ANKRD11: variants seen among roughly 807,000 people sequenced by gnomAD.
ANKRD11 encodes ankyrin repeat domain-containing protein 11.
Under a neutral mutation model 195.7 loss-of-function variants are expected in ANKRD11, and 17 were observed. That is an observed-to-expected ratio of 0.09 (90% CI 0.06 to 0.13). ANKRD11 has a LOEUF of 0.13. ANKRD11 is among the 10% of genes least tolerant of loss of function. The pLI is 1.00. For synonymous variants in ANKRD11, 1,953 were observed against 1,528.1 expected (o/e 1.28, Z -6.49); for missense variants, 3,735 against 3,566.1 (o/e 1.05, Z -1.21).
At chr16:89,341,380 G>T (rs1173746557) in intron 2 of ANKRD11, among the ~76,000 whole-genome samples, 1 of 152,200 alleles carries the variant, frequency 6.6e-6, no homozygotes, top group Non-Finnish European at 1.5e-5. Context: ...GCAATCTGCA[G>T]ATTCTCACAG....
At chr16:89,349,952 G>A (rs932054362) in intron 2 of ANKRD11, among the ~76,000 whole-genome samples, 1 of 147,760 alleles carries the variant, frequency 6.8e-6, no homozygotes, top group Non-Finnish European at 1.5e-5. Flanking sequence ...CCTGTGTCTA[G>A]AATCCATAAA....
At chr16:89,442,477 C>G (rs573101864) in intron 1 of ANKRD11, among the ~76,000 whole-genome samples, 10 of 152,310 alleles carry the variant, frequency 6.6e-5, no homozygotes, top group African/African-American at 2.4e-4. Flanking sequence ...ACAAACGCCC[C>G]TTTATGCACA....
At chr16:89,375,045 C>G (rs566141088) in intron 2 of ANKRD11, among the ~76,000 whole-genome samples, 1 of 152,058 alleles carries the variant, frequency 6.6e-6, no homozygotes, top group Non-Finnish European at 1.5e-5. Context: ...TAAATACTTA[C>G]AGACTGTACA....
intron 9 of ANKRD11, among the ~76,000 whole-genome samples, chr16:89,276,516 C>G (rs962454228): frequency 1.3e-5 from 2 of 152,228 alleles, no homozygotes; most frequent in Non-Finnish European, 1.5e-5. Context: ...CGCCTATAGG[C>G]TCCTGCCTAA....
chr16:89,308,879 G>A (rs865885858), intron 3 of ANKRD11, among the ~76,000 whole-genome samples: 1 of 152,108 alleles, frequency 6.6e-6, no homozygotes, highest in African/African-American at 2.4e-5. Context: ...TGGGGTGCGC[G>A]CAGTAAACAC....
At chr16:89,313,686 G>C in intron 3 of ANKRD11, 1 of 1,071,450 alleles carries the variant, frequency 9.3e-7, no homozygotes, top group Non-Finnish European at 1.3e-6. Flanking sequence ...CCTGTACCAG[G>C]AGAAGGCAGG....
chr16:89,410,827 G>A (rs998979559), intron 2 of ANKRD11, among the ~76,000 whole-genome samples: 2 of 152,244 alleles, frequency 1.3e-5, no homozygotes, highest in Admixed American at 1.3e-4. Flanking sequence ...AACAGAAGGG[G>A]GTGGGGAGTG....
intron 1 of ANKRD11, among the ~76,000 whole-genome samples, chr16:89,426,937 T>G (rs1412117541): frequency 6.6e-6 from 1 of 152,234 alleles, no homozygotes; most frequent in East Asian, 1.9e-4. Flanking sequence ...CAAGTGGCAG[T>G]AGACATCAGG....
At chr16:89,444,994 C>T (rs1567815825) in intron 1 of ANKRD11, among the ~76,000 whole-genome samples, 1 of 152,108 alleles carries the variant, frequency 6.6e-6, no homozygotes, top group Non-Finnish European at 1.5e-5. Context: ...GCCACCCTTG[C>T]AAACCTACCA....
chr16:89,309,856 T>C (rs2151894042), intron 3 of ANKRD11, among the ~76,000 whole-genome samples: 2 of 152,330 alleles, frequency 1.3e-5, no homozygotes, highest in Middle Eastern at 6.8e-3. Flanking sequence ...GGCCCCACTA[T>C]GCCCCAAGGA....
intron 2 of ANKRD11, among the ~76,000 whole-genome samples, chr16:89,318,069 T>C (rs111345753): frequency 0.014 from 2,182 of 152,302 alleles, 62 homozygotes; most frequent in African/African-American, 0.049. Flanking sequence ...CAACAGGCAG[T>C]TGGGGGAGGC....
chr16:89,421,815 G>A (rs2042521587), intron 1 of ANKRD11, among the ~76,000 whole-genome samples: 1 of 152,142 alleles, frequency 6.6e-6, no homozygotes, highest in Non-Finnish European at 1.5e-5. Context: ...AAGGGTCAGT[G>A]TGTGATGACA....
chr16:89,346,354 C>G (rs540887003), intron 2 of ANKRD11, among the ~76,000 whole-genome samples: 1 of 151,776 alleles, frequency 6.6e-6, no homozygotes, highest in East Asian at 1.9e-4. Context: ...AAGGAGACAA[C>G]CCTAACCCAG....
rs367577142 is a variant in ANKRD11, at chr16:89,280,919, C to T, written c.5623G>A (p.Val1875Ile). 48 of 1,597,170 alleles carry T rather than the reference C, an allele frequency of 3.0e-5. No homozygotes were observed. The highest frequency in any genetic ancestry group is 4.1e-5 in the Non-Finnish European group (48 of 1,168,774). ...AAGACGCCCTCTGGAGACGGGGTGA[C>T]AGTGACAACGGCAGCCGGTGGGCAG... ...LHCPPAAVVT[V>I]TPSPEGVFSS... The change falls in exon 9 of 13, where the codon GTC (valine) becomes ATC (isoleucine). Residue 1875 changes from valine (V) to isoleucine (I), a missense_variant. Coordinates refer to ENST00000301030, the MANE Select transcript of ANKRD11 (RefSeq NM_013275.6).
At chr16:89,479,143 C>A (rs2057354992) in intron 1 of ANKRD11, among the ~76,000 whole-genome samples, 1 of 152,074 alleles carries the variant, frequency 6.6e-6, no homozygotes, top group African/African-American at 2.4e-5. Context: ...ACCACCTACC[C>A]CACAACCCAA....
intron 2 of ANKRD11, among the ~76,000 whole-genome samples, chr16:89,346,402 G>T (rs1038703246): frequency 6.6e-6 from 1 of 152,116 alleles, no homozygotes; most frequent in Non-Finnish European, 1.5e-5. Context: ...GACCAAGCTG[G>T]AGCTAAACAT....
chr16:89,280,606 A>T lies in ANKRD11; in HGVS notation c.5936T>A (p.Leu1979His). 1 of 1,613,460 alleles carries T rather than the reference A, an allele frequency of 6.2e-7. No individual in the cohort carries two copies. Among genetic ancestry groups the T allele is most frequent in the Non-Finnish European group, 8.5e-7 (1 of 1,179,932 alleles). ...GAATCTCTGTGGAGACTTCAGCAGG[A>T]GGTCCGAGCCCACAGGCCAGCTCAC... ...NPVSWPVGSD[L>H]LLKSPQRFPE... Residue 1979 changes from leucine to histidine, a missense_variant, in exon 9 of 13, where the codon CTC becomes CAC. By Grantham distance (99) the Leu-to-His change is moderately conservative. Coordinates refer to ENST00000301030, the MANE Select transcript of ANKRD11 (RefSeq NM_013275.6).
intron 2 of ANKRD11, among the ~76,000 whole-genome samples, chr16:89,389,309 G>C (rs1052542813): frequency 6.6e-6 from 1 of 151,992 alleles, no homozygotes; most frequent in Non-Finnish European, 1.5e-5. Flanking sequence ...ACAGGCGTGA[G>C]CCACCACACC....
chr16:89,363,440 C>T (rs934419989), intron 2 of ANKRD11, among the ~76,000 whole-genome samples: 1 of 150,548 alleles, frequency 6.6e-6, no homozygotes, highest in East Asian at 1.9e-4. Context: ...CAAACCTGCA[C>T]GTTGTGCACA....
Sources: gnomAD v4.1 joint callset for allele counts (sites outside exome capture counted in the v4.1 genomes callset) on GRCh38, gnomAD v4.1.1 for gene constraint, MANE v1.5 for transcripts, NCBI Gene and HGNC (gene_info 2026-07-23, HGNC 2026-07-21) for gene names.